Variants in STRADB observed in about 807,000 individuals in gnomAD.
STRADB encodes the protein STE20-related kinase adapter protein beta.
A neutral mutation model predicts 52.1 loss-of-function variants in STRADB; 34 were observed. The observed-to-expected ratio is 0.65, with a 90% CI of 0.50 to 0.87. STRADB has a LOEUF of 0.87. Ranked by LOEUF, STRADB falls within the 40% of genes least tolerant of loss-of-function variation. The pLI, the probability that STRADB is intolerant of heterozygous loss-of-function variation, is 0.00. For synonymous variants in STRADB, 133 were observed against 174.5 expected (o/e 0.76, Z 1.87); for missense variants, 340 against 483.9 (o/e 0.70, Z 2.79).
intron 3 of STRADB, among the ~76,000 whole-genome samples, chr2:201,469,229 G>T (rs1002892791): frequency 3.3e-5 from 5 of 152,152 alleles, no homozygotes; most frequent in Non-Finnish European, 5.9e-5. Flanking sequence ...TGTCTGTAGA[G>T]GCTCCTAAGT....
intron 2 of STRADB, 110 bp from the exon 3 acceptor site, chr2:201,458,674 C>T (rs983795191): frequency 2.4e-5 from 20 of 845,310 alleles, no homozygotes; most frequent in Middle Eastern, 2.3e-4. Context: ...TGCAAGTTGC[C>T]CTTCCTCTCT....
intron 3 of STRADB, among the ~76,000 whole-genome samples, chr2:201,468,385 T>TTTGC (rs1336295757): frequency 2.0e-5 from 3 of 152,198 alleles, no homozygotes; most frequent in Non-Finnish European, 4.4e-5. Flanking sequence ...GATCTCTGAC[T>TTTGC]TTGCTGGGCA....
intron 6 of STRADB, among the ~76,000 whole-genome samples, chr2:201,474,984 G>A (rs1253540000): frequency 3.3e-5 from 5 of 152,160 alleles, no homozygotes; most frequent in South Asian, 2.1e-4. Context: ...CAAGAATTCC[G>A]TGCCTTTGCA....
At chr2:201,452,865 T>G (rs1952068642) in intron 1 of STRADB, among the ~76,000 whole-genome samples, 1 of 152,262 alleles carries the variant, frequency 6.6e-6, no homozygotes, top group South Asian at 2.1e-4. Flanking sequence ...CTGAAATTAC[T>G]TATAAAGCTT....
At chr2:201,458,546 G>T (rs1952162657) in intron 2 of STRADB, among the ~76,000 whole-genome samples, 1 of 152,192 alleles carries the variant, frequency 6.6e-6, no homozygotes. Flanking sequence ...AAGGATCAGT[G>T]ATAGCACCAA....
intron 3 of STRADB, among the ~76,000 whole-genome samples, chr2:201,464,339 C>T (rs912498691): frequency 7.9e-5 from 12 of 152,112 alleles, no homozygotes; most frequent in African/African-American, 2.9e-4. Flanking sequence ...GTGACTCTTG[C>T]AGACTCACAG....
intron 1 of STRADB, 97 bp downstream of exon 1, chr2:201,452,035 GA>G (rs1952050129): frequency 6.6e-6 from 1 of 152,384 alleles, no homozygotes; most frequent in African/African-American, 2.4e-5. Flanking sequence ...CGGGAAGCCA[GA>G]GGCCAGAACG....
rs755473614 is a variant in STRADB at position 201,478,442 on chromosome 2, C to G, written c.911C>G (p.Ser304Cys). 6 of 1,614,070 alleles carry G rather than the reference C, an allele frequency of 3.7e-6. No individual in the cohort carries two copies. Among genetic ancestry groups the G allele is most frequent in the Non-Finnish European group, 3.4e-6 (4 of 1,180,020 alleles). ...FPQSESRMKN[S>C]QSGVDSGIGE... ...CAATCAGAATCCAGAATGAAAAATT[C>G]CCAGTCAGGTGTAGACTCTGGGATT... is the stretch of plus-strand genomic sequence containing the variant. The change falls in exon 10 of 12, where the codon TCC becomes TGC. Residue 304 changes from serine (S) to cysteine (C), a missense_variant. Coordinates refer to ENST00000194530, the MANE Select transcript of STRADB (RefSeq NM_018571.6).
chr2:201,474,521 A>AAAAG (rs1387789865), intron 5 of STRADB, 126 bp from the exon 6 acceptor site: 6 of 663,996 alleles, frequency 9.0e-6, no homozygotes, highest in Non-Finnish European at 1.5e-5. Flanking sequence ...TTAAATAGAT[A>AAAAG]AAAGCACTAA....
At chr2:201,456,209 T>G (rs1322316954) in intron 2 of STRADB, among the ~76,000 whole-genome samples, 1 of 152,202 alleles carries the variant, frequency 6.6e-6, no homozygotes, top group African/African-American at 2.4e-5. Flanking sequence ...CAGTAAAACT[T>G]TACTCACAAA....
rs779979103 is a variant in STRADB, at chr2:201,478,424, A to G, written c.893A>G (p.Glu298Gly). The change falls in exon 10 of 12, where the codon GAA (glutamate) becomes GGA (glycine). Residue 298 changes from glutamate to glycine, a missense_variant. By Grantham distance (98) the Glu-to-Gly change is moderately conservative (BLOSUM62 -2). Transcript: ENST00000194530. The part of the protein sequence containing the change: ...PLDISIFPQS[E>G]SRMKNSQSGV... Reference sequence around the variant, plus strand: ...GATATCAGTATTTTCCCTCAATCAGAATCCAGAATGAAAAATTCCCAGTCA... The same window carrying G: ...GATATCAGTATTTTCCCTCAATCAGGATCCAGAATGAAAAATTCCCAGTCA... The G allele has an allele frequency of 6.2e-7, 1 of 1,614,156 alleles. No homozygotes were observed. The highest frequency in any genetic ancestry group is 2.2e-5 in the East Asian group (1 of 44,844).
At chr2:201,472,517 G>C (rs1952406033) in intron 4 of STRADB, among the ~76,000 whole-genome samples, 1 of 152,234 alleles carries the variant, frequency 6.6e-6, no homozygotes, top group African/African-American at 2.4e-5. Context: ...GTTGACAACT[G>C]TGTTCTTTTT....
chr2:201,464,808 CA>C (rs1952272958), intron 3 of STRADB, among the ~76,000 whole-genome samples: 1 of 152,230 alleles, frequency 6.6e-6, no homozygotes, highest in South Asian at 2.1e-4. Context: ...AACCACAGGA[CA>C]AAGTCCTTCC....
chr2:201,468,279 A>C (rs1952337028), intron 3 of STRADB, among the ~76,000 whole-genome samples: 1 of 151,866 alleles, frequency 6.6e-6, no homozygotes, highest in East Asian at 1.9e-4. Flanking sequence ...AAGTGAGGTT[A>C]GTTTGGGATG....
At chr2:201,461,773 C>T (rs1467552583) in intron 3 of STRADB, among the ~76,000 whole-genome samples, 1 of 152,134 alleles carries the variant, frequency 6.6e-6, no homozygotes, top group Admixed American at 6.5e-5. Flanking sequence ...ATTTCCTGGA[C>T]AGCTTCCTCC....
intron 7 of STRADB, among the ~76,000 whole-genome samples, 172 bp from the exon 8 acceptor site, chr2:201,477,447 G>A (rs2125683485): frequency 6.6e-6 from 1 of 152,284 alleles, no homozygotes; most frequent in African/African-American, 2.4e-5. Flanking sequence ...CCTATTCCCT[G>A]AACATTTCCT....
At chr2:201,474,784 CTT>C (rs748031262) in intron 6 of STRADB, 29 bp downstream of exon 6, 1 of 1,520,978 alleles carries the variant, frequency 6.6e-7, no homozygotes, top group South Asian at 1.2e-5. Flanking sequence ...AATAAATTAA[CTT>C]AGCCTAGATG....
intron 11 of STRADB, 114 bp from the exon 12 acceptor site, chr2:201,479,918 C>G (rs1952543422): frequency 7.4e-7 from 1 of 1,345,910 alleles, no homozygotes; most frequent in Admixed American, 1.9e-5. Flanking sequence ...GGGGAAATAC[C>G]TGAAAACAAT....
intron 11 of STRADB, 56 bp downstream of exon 11, chr2:201,479,587 CTT>C: frequency 2.0e-6 from 3 of 1,526,218 alleles, no homozygotes; most frequent in Non-Finnish European, 2.7e-6. Context: ...TAAAAAGTCA[CTT>C]TATTTTGTTG....
Sources: allele counts gnomAD v4.1 joint callset (sites outside exome capture counted in the v4.1 genomes callset), GRCh38; gene constraint gnomAD v4.1.1; transcripts MANE v1.5; gene names NCBI Gene and HGNC (gene_info 2026-07-23, HGNC 2026-07-21).